GINS2: variants seen among roughly 807,000 people sequenced by gnomAD.
GINS2 encodes GINS complex subunit 2.
GINS2 carries 23 observed loss-of-function variants against 21.2 expected under a neutral mutation model. The ratio of observed to expected loss-of-function variants is 1.08; its 90% CI spans 0.78 to 1.53. The LOEUF is 1.53. Ranked by LOEUF, GINS2 falls within the 40% of genes most tolerant of loss-of-function variation. The pLI, the probability that GINS2 is intolerant of heterozygous loss-of-function variation, is 0.00. For synonymous variants in GINS2, 118 were observed against 85.6 expected (o/e 1.38, Z -2.09); for missense variants, 323 against 233.9 (o/e 1.38, Z -2.49).
At position 85,676,407 on chromosome 16, in the gene GINS2, T is replaced by C. The variant is rs1410955151; in HGVS notation, c.*1805A>G. ...AGGAGGATTCCAAGGAAGGCTGAGA[T>C]GAAAGAACAAGTCCTATGAGCTGAA... On this transcript the variant is annotated 3_prime_UTR_variant, in exon 5 of 5. Transcript: ENST00000253462. 1 of 152,220 alleles carries C rather than the reference T, an allele frequency of 6.6e-6. No homozygotes were observed. Among genetic ancestry groups the C allele is most frequent in the African/African-American group, 2.4e-5 (1 of 41,452 alleles). 9.4% of individuals were successfully genotyped at this position (152,220 alleles called of 1,614,324 possible). A position where few individuals can be genotyped will look rare whatever the true frequency, so the allele number is the denominator to read the frequency against.
At chr16:85,679,567 C>G (rs10514608) in intron 3 of GINS2, among the ~76,000 whole-genome samples, 50,560 of 152,114 alleles carry the variant, frequency 0.33, 8,636 homozygotes, top group African/African-American at 0.42. Context: ...CTTGTGCTCT[C>G]AACAGCAGGT....
chr16:85,682,293 G>C lies in GINS2; in HGVS notation c.206-612C>G, dbSNP rs142676498. Reference sequence around the variant, plus strand: ...GCTTCTCGAAGTGCTGGGATTATAGGAGTGAGTCACCTGGTCAGTATTAGA... The same window carrying C: ...GCTTCTCGAAGTGCTGGGATTATAGCAGTGAGTCACCTGGTCAGTATTAGA... On this transcript the variant is annotated intron_variant, in intron 2 of 4. Coordinates refer to ENST00000253462, the MANE Select transcript of GINS2 (RefSeq NM_016095.3). 4.3e-3 allele frequency among the ~76,000 whole-genome samples: 648 copies of C among 152,206 alleles called. 6 individuals carry two copies. The highest frequency in any genetic ancestry group is 0.015 in the African/African-American group (620 of 41,512).
chr16:85,687,088 G>A (rs781702111), intron 2 of GINS2, among the ~76,000 whole-genome samples: 2 of 152,210 alleles, frequency 1.3e-5, no homozygotes, highest in African/African-American at 4.8e-5. Context: ...GGGTGTGGTG[G>A]CGCACGCCAG....
Position 85,679,384 on chromosome 16 carries a change from T to C in GINS2, c.306-718A>G, listed in dbSNP as rs76731070. The stretch of plus-strand genomic sequence containing the variant: ...GTTGTGAAGTATTTTAAACTAACCT[T>C]TGAAGAAAAACTACACGATAAAAGC... On this transcript the variant is annotated intron_variant, in intron 3 of 4. Coordinates refer to ENST00000253462, the MANE Select transcript of GINS2 (RefSeq NM_016095.3). Among the ~76,000 whole-genome samples, 4 of 152,340 alleles carry C rather than the reference T, an allele frequency of 2.6e-5. No individual in the cohort carries two copies. In the East Asian group the frequency reaches 5.8e-4, roughly 22 times the overall value.
At chr16:85,682,126 A>C (rs1439731991) in intron 2 of GINS2, among the ~76,000 whole-genome samples, 1 of 144,992 alleles carries the variant, frequency 6.9e-6, no homozygotes, top group Non-Finnish European at 1.5e-5. Context: ...TCCTGGGCTC[A>C]AGCAATCCTC....
chr16:85,681,567 G>C lies in GINS2; in HGVS notation c.305+15C>G, dbSNP rs768639114. On this transcript the variant is annotated intron_variant, in intron 3 of 4. Transcript: ENST00000253462. ...CAGTCTTGGGTGTGGCCTCTAAGAG[G>C]TGAGATCTACTTACTGATTTAACAG... 6.8e-7 allele frequency: 1 copy of C among 1,465,778 alleles called. No homozygotes were observed. The highest frequency in any genetic ancestry group is 1.4e-5 in the African/African-American group (1 of 71,962). The allele number at this position is 1,465,778 out of a possible 1,614,324, so 90.8% of individuals were successfully genotyped here. A position where few individuals can be genotyped will look rare whatever the true frequency, so the allele number is the denominator to read the frequency against.
intron 2 of GINS2, among the ~76,000 whole-genome samples, chr16:85,682,562 T>C (rs937954612): frequency 2.8e-5 from 4 of 140,428 alleles, no homozygotes; most frequent in Admixed American, 1.4e-4. Flanking sequence ...CTGGGCGCGA[T>C]ACAATATCCT....
rs199722018 is a variant in GINS2, at chr16:85,683,360, AG to A, written c.206-1680del. Among the ~76,000 whole-genome samples, 388 of 152,154 alleles carry A rather than the reference AG, an allele frequency of 2.6e-3. 8 individuals carry two copies. The South Asian group carries it at 0.047, about 19-fold the overall frequency. ...TCGTCCAAATGCTACCCACATGCTCAGAAAGACCTCCAAATTTATACCCCCA... is the reference window on the plus strand; with the variant it reads ...TCGTCCAAATGCTACCCACATGCTCAAAAGACCTCCAAATTTATACCCCCA... On this transcript the variant is annotated intron_variant, in intron 2 of 4. Transcript: ENST00000253462.
rs376770785 is a variant in GINS2 at position 85,678,551 on chromosome 16, C to T, written c.421G>A (p.Ala141Thr). ...AAGGCGGCACCTACCTTGGCATGTG[C>T]CTCCTGCTGTCTCACAAAGCTGTCA... ...SADSFVRQQE[A>T]HAKLDNLTLM... Residue 141 changes from alanine to threonine, a missense_variant, in exon 4 of 5, where the codon GCA becomes ACA. Physicochemically the swap from Ala to Thr is moderately conservative, Grantham distance 58 (BLOSUM62 0). Coordinates refer to ENST00000253462, the MANE Select transcript of GINS2 (RefSeq NM_016095.3). The T allele has an allele frequency of 1.2e-6, 2 of 1,613,340 alleles. No individual in the cohort carries two copies. The highest frequency in any genetic ancestry group is 1.3e-5 in the African/African-American group (1 of 75,028).
intron 3 of GINS2, among the ~76,000 whole-genome samples, chr16:85,680,679 G>C (rs1290523135): frequency 6.6e-6 from 1 of 151,664 alleles, no homozygotes; most frequent in African/African-American, 2.4e-5. Context: ...GCTGCCAAGA[G>C]TACATGTGTG....
intron 2 of GINS2, among the ~76,000 whole-genome samples, chr16:85,686,165 A>G (rs561823301): frequency 1.3e-5 from 2 of 152,248 alleles, no homozygotes; most frequent in Non-Finnish European, 2.9e-5. Context: ...TCAGCCATTT[A>G]AAGTATACAA....
chr16:85,678,106 C>T lies in GINS2; in HGVS notation c.*106G>A, dbSNP rs892649637. 2.1e-5 allele frequency: 20 copies of T among 960,628 alleles called. No individual in the cohort carries two copies. The highest frequency in any genetic ancestry group is 3.4e-4 in the Middle Eastern group (1 of 2,938). 59.5% of individuals were successfully genotyped at this position (960,628 alleles called of 1,614,324 possible). On this transcript the variant is annotated 3_prime_UTR_variant, in exon 5 of 5. Coordinates refer to ENST00000253462, the MANE Select transcript of GINS2 (RefSeq NM_016095.3). The stretch of plus-strand genomic sequence containing the variant: ...TGAATCCATTCCTTGCACCATCACA[C>T]ATTTTTCATGCATCAGAAGTGTTTC...
Position 85,688,333 on chromosome 16 carries a change from G to A in GINS2, c.90+476C>T, listed in dbSNP as rs369758920. ...GAGGCCGAGGCGAGTGGCTCATGAG[G>A]TCAGGAGTTCGAGACCAGCCTGGCC... On this transcript the variant is annotated intron_variant, in intron 1 of 4. Transcript: ENST00000253462. 5.3e-5 allele frequency among the ~76,000 whole-genome samples: 8 copies of A among 152,218 alleles called. No homozygotes were observed. In the East Asian group the frequency reaches 1.2e-3, roughly 22 times the overall value.
rs1170232327 is a variant in GINS2, at chr16:85,676,544, G to C, written c.*1668C>G. The C allele has an allele frequency of 6.6e-6, 1 of 152,228 alleles. No individual in the cohort carries two copies. Among genetic ancestry groups the C allele is most frequent in the Non-Finnish European group, 1.5e-5 (1 of 68,050 alleles). 9.4% of individuals were successfully genotyped at this position (152,228 alleles called of 1,614,324 possible). A position where few individuals can be genotyped will look rare whatever the true frequency, so the allele number is the denominator to read the frequency against. On this transcript the variant is annotated 3_prime_UTR_variant, in exon 5 of 5. Transcript: ENST00000253462. ...ACCAAAACCTGCCTGGCGGGGACAC[G>C]TGGGCAGCAACATGGAGTGATAGTG...
At chr16:85,682,961 C>T (rs552664722) in intron 2 of GINS2, among the ~76,000 whole-genome samples, 5 of 152,236 alleles carry the variant, frequency 3.3e-5, no homozygotes, top group African/African-American at 1.2e-4. Flanking sequence ...CCACCACCCA[C>T]CTCTCACCTG....
At chr16:85,682,756 C>G (rs1000965449) in intron 2 of GINS2, among the ~76,000 whole-genome samples, 4 of 152,204 alleles carry the variant, frequency 2.6e-5, no homozygotes, top group African/African-American at 9.7e-5. Context: ...AGCCCTCCCC[C>G]TCTACAGAGA....
At chr16:85,678,479 G>T (rs76490091) in intron 4 of GINS2, 61 bp downstream of exon 4, 11 of 1,589,696 alleles carry the variant, frequency 6.9e-6, no homozygotes, top group Non-Finnish European at 9.5e-6. Context: ...CTCAGCAGAC[G>T]GGAGCCATGT....
At chr16:85,678,483 G>C in intron 4 of GINS2, 57 bp downstream of exon 4, 1 of 1,593,530 alleles carries the variant, frequency 6.3e-7, no homozygotes, top group South Asian at 1.1e-5. Flanking sequence ...GCAGACGGGA[G>C]CCATGTGAAA....
chr16:85,677,441 A>G lies in GINS2; in HGVS notation c.*771T>C, dbSNP rs923326987. The stretch of plus-strand genomic sequence containing the variant: ...TAGCATTGTCACTCATGCTCAATAC[A>G]TTGTCACTCATGCTCAATACATTGG... On this transcript the variant is annotated 3_prime_UTR_variant, in exon 5 of 5. Transcript: ENST00000253462. 1 of 152,222 alleles carries G rather than the reference A, an allele frequency of 6.6e-6. No individual in the cohort carries two copies. The highest frequency in any genetic ancestry group is 1.5e-5 in the Non-Finnish European group (1 of 68,040). 9.4% of individuals were successfully genotyped at this position (152,222 alleles called of 1,614,324 possible). A position where few individuals can be genotyped will look rare whatever the true frequency, so the allele number is the denominator to read the frequency against.
Sources: gnomAD v4.1 joint callset for allele counts (sites outside exome capture counted in the v4.1 genomes callset) on GRCh38, gnomAD v4.1.1 for gene constraint, MANE v1.5 for transcripts, NCBI Gene and HGNC (gene_info 2026-07-23, HGNC 2026-07-21) for gene names.